CA12: variants seen among roughly 807,000 people sequenced by gnomAD.
The protein encoded by CA12 is carbonic anhydrase 12.
A neutral mutation model predicts 46.8 loss-of-function variants in CA12; 36 were observed. The ratio of observed to expected loss-of-function variants is 0.77; its 90% CI spans 0.59 to 1.02. CA12 has a LOEUF of 1.02. Among genes scored for constraint, CA12 ranks in the 50% least tolerant of loss-of-function variants. CA12 has a pLI of 0.00. For synonymous variants in CA12, 202 were observed against 187.0 expected (o/e 1.08, Z -0.65); for missense variants, 436 against 451.4 (o/e 0.97, Z 0.31).
Position 63,378,192 on chromosome 15 carries a change from A to AG in CA12, c.86-2515dup, listed in dbSNP as rs2039601550. ...CGCCTGAGGTCAGGAGTTCGAGACC[A>AG]GCCTGGCCAACATGGTGAAACCCTG... is the stretch of plus-strand genomic sequence containing the variant. On this transcript the variant is annotated intron_variant, in intron 1 of 10. Transcript: ENST00000178638. This position sits in a 1 kb window ranked among gnomAD's most constrained non-coding sequence, Gnocchi z 4.8. 6.6e-6 allele frequency among the ~76,000 whole-genome samples: 1 copy of AG among 152,212 alleles called. No homozygotes were observed. Among genetic ancestry groups the AG allele is most frequent in the African/African-American group, 2.4e-5 (1 of 41,448 alleles).
rs1383250817 is a variant in CA12 at position 63,373,004 on chromosome 15, G to T, written c.106+2654C>A. Among the ~76,000 whole-genome samples the T allele has an allele frequency of 1.3e-5, 2 of 152,200 alleles. No individual in the cohort carries two copies. The highest frequency in any genetic ancestry group is 4.8e-5 in the African/African-American group (2 of 41,444). ...GGTCAGGGAGAAATGCTTCTGGACA[G>T]GTCAGTGTGGCTGCACTGAGAAGCC... On this transcript the variant is annotated intron_variant, in intron 2 of 10. Transcript: ENST00000178638. This position sits in a 1 kb window ranked among gnomAD's most constrained non-coding sequence, Gnocchi z 4.9.
At chr15:63,361,419 A>T (rs2039361902) in intron 2 of CA12, among the ~76,000 whole-genome samples, 1 of 152,190 alleles carries the variant, frequency 6.6e-6, no homozygotes, top group African/African-American at 2.4e-5. Context: ...TTTGCCCTTC[A>T]GGGGACATTG....
Position 63,340,575 on chromosome 15 carries a change from T to C in CA12, c.590-130A>G. The stretch of plus-strand genomic sequence containing the variant: ...AGGGTCATCTAACCCCAGGACCTGG[T>C]TGCAACATTGTTCAACAACCTGCTG... On this transcript the variant is annotated intron_variant, in intron 6 of 10. Coordinates refer to ENST00000178638, the MANE Select transcript of CA12 (RefSeq NM_001218.5). This position sits in a 1 kb window ranked among gnomAD's most constrained non-coding sequence, Gnocchi z 4.4. 1 of 1,415,912 alleles carries C rather than the reference T, an allele frequency of 7.1e-7. No homozygotes were observed. 87.7% of individuals were successfully genotyped at this position (1,415,912 alleles called of 1,614,324 possible). A position where few individuals can be genotyped will look rare whatever the true frequency, so the allele number is the denominator to read the frequency against.
Position 63,340,775 on chromosome 15 carries a change from G to A in CA12, c.534C>T (p.Ser178=), listed in dbSNP as rs201128913. 58 of 1,614,068 alleles carry A rather than the reference G, an allele frequency of 3.6e-5. No homozygotes were observed. The highest frequency in any genetic ancestry group is 4.4e-5 in the Non-Finnish European group (52 of 1,180,020). The change falls in exon 6 of 11, where the codon TCC becomes TCT. Residue 178 remains serine (S), a synonymous_variant. Transcript: ENST00000178638. The surrounding 1 kb of genome is among the most constrained non-coding windows in gnomAD (Gnocchi z 4.4). ...AGATCTTGTCATAGGACGGATTGAAGGAGCCCATCTGCAACAGAGACAGGG... is the reference window on the plus strand; with the variant it reads ...AGATCTTGTCATAGGACGGATTGAAAGAGCCCATCTGCAACAGAGACAGGG... ...AVLAVLIEMG[S]FNPSYDKIFS... is the part of the protein sequence containing the mutation.
rs768114909 is a variant in CA12 at position 63,340,477 on chromosome 15, C to T, written c.590-32G>A. ...AGACATGTTGCAGAGGTGATAGTGT[C>T]AGCCTCCCTCCGTAGGGCATAAGTG... is the stretch of plus-strand genomic sequence containing the variant. On this transcript the variant is annotated intron_variant, in intron 6 of 10. Transcript: ENST00000178638. The surrounding 1 kb of genome is among the most constrained non-coding windows in gnomAD (Gnocchi z 4.4). 17 of 1,613,854 alleles carry T rather than the reference C, an allele frequency of 1.1e-5. No homozygotes were observed. The highest frequency in any genetic ancestry group is 1.4e-5 in the Non-Finnish European group (17 of 1,179,744).
intron 8 of CA12, among the ~76,000 whole-genome samples, chr15:63,336,951 G>T (rs1269557169): frequency 6.6e-6 from 1 of 152,066 alleles, no homozygotes; most frequent in African/African-American, 2.4e-5. Context: ...TTATGTTTTT[G>T]GTTTTAAGAG....
rs1174535189 is a variant in CA12, at chr15:63,342,115, C to T, written c.430-18G>A. 1.9e-6 allele frequency: 3 copies of T among 1,562,070 alleles called. No homozygotes were observed. Among genetic ancestry groups the T allele is most frequent in the Admixed American group, 3.3e-5 (2 of 59,790 alleles). On this transcript the variant is annotated intron_variant, in intron 4 of 10. Transcript: ENST00000178638. ...ATGTGCAGCTGCAGTGGGGGAGAAG[C>T]CACCCATTAGGAGATAAGCGACTCA...
At position 63,330,095 on chromosome 15, in the gene CA12, G is replaced by A. The variant is rs1343607509; in HGVS notation, c.875-1965C>T. ...CTGCTCACCACCACCAGCTGCTCAT[G>A]ACCTCCCAAGTGGCAGAGTGGCTCC... On this transcript the variant is annotated intron_variant, in intron 8 of 10. Coordinates refer to ENST00000178638, the MANE Select transcript of CA12 (RefSeq NM_001218.5). The surrounding 1 kb of genome is among the most constrained non-coding windows in gnomAD (Gnocchi z 4.0). Among the ~76,000 whole-genome samples the A allele has an allele frequency of 6.6e-6, 1 of 152,206 alleles. No homozygotes were observed. The highest frequency in any genetic ancestry group is 2.4e-5 in the African/African-American group (1 of 41,452).
intron 8 of CA12, among the ~76,000 whole-genome samples, chr15:63,335,990 GGGA>G (rs3840029): frequency 0.044 from 6,748 of 152,232 alleles, 194 homozygotes; most frequent in Middle Eastern, 0.065. Flanking sequence ...TGAAAGGGAG[GGGA>G]GGAGAATTCT....
rs553410849 is a variant in CA12 at position 63,355,538 on chromosome 15, C to T, written c.107-8829G>A. Among the ~76,000 whole-genome samples, 17 of 152,340 alleles carry T rather than the reference C, an allele frequency of 1.1e-4. No homozygotes were observed. Among genetic ancestry groups the T allele is most frequent in the East Asian group, 7.7e-4 (4 of 5,184 alleles). ...ACAAGGCTGCCAGGCGATGCTGCTG[C>T]GGGCTGAGGCTGAGAAGCGCTGCAC... On this transcript the variant is annotated intron_variant, in intron 2 of 10. Transcript: ENST00000178638. The surrounding 1 kb of genome is among the most constrained non-coding windows in gnomAD (Gnocchi z 4.1).
chr15:63,337,832 C>T (rs867465350), intron 8 of CA12, among the ~76,000 whole-genome samples: 12 of 152,184 alleles, frequency 7.9e-5, no homozygotes, highest in Admixed American at 3.3e-4. Flanking sequence ...TTGCCTTGGC[C>T]TCCCAAAGTG....
At chr15:63,363,269 T>C (rs936800844) in intron 2 of CA12, among the ~76,000 whole-genome samples, 1 of 152,228 alleles carries the variant, frequency 6.6e-6, no homozygotes, top group African/African-American at 2.4e-5. Flanking sequence ...TGATGTGGCA[T>C]TTCCTTTCAG....
rs1391460801 is a variant in CA12, at chr15:63,329,662, C to A, written c.875-1532G>T. ...AGTTGTACAGATGGTGGCCACCCAG[C>A]CTGACACAGAAGATCCTGTGCCCAT... On this transcript the variant is annotated intron_variant, in intron 8 of 10. Transcript: ENST00000178638. This position sits in a 1 kb window ranked among gnomAD's most constrained non-coding sequence, Gnocchi z 4.8. Among the ~76,000 whole-genome samples the A allele has an allele frequency of 6.6e-6, 1 of 152,170 alleles. No homozygotes were observed. The highest frequency in any genetic ancestry group is 1.5e-5 in the Non-Finnish European group (1 of 68,018).
chr15:63,368,510 C>T (rs573734216), intron 2 of CA12, among the ~76,000 whole-genome samples: 97 of 152,364 alleles, frequency 6.4e-4, no homozygotes, highest in African/African-American at 2.2e-3. Context: ...CAGCCACCTT[C>T]CCACTCATGC....
chr15:63,339,241 T>A lies in CA12; in HGVS notation c.748-296A>T, dbSNP rs760312827. Reference sequence around the variant, plus strand: ...AATCTGCCCTGCGTGGAGGGAAACCTGGGGTGATGGAGTGCTCCTTAACCT... The same window carrying A: ...AATCTGCCCTGCGTGGAGGGAAACCAGGGGTGATGGAGTGCTCCTTAACCT... On this transcript the variant is annotated intron_variant, in intron 7 of 10. Transcript: ENST00000178638. The surrounding 1 kb of genome is among the most constrained non-coding windows in gnomAD (Gnocchi z 4.3). Among the ~76,000 whole-genome samples, 3 of 87,780 alleles carry A rather than the reference T, an allele frequency of 3.4e-5. No individual in the cohort carries two copies. Among genetic ancestry groups the A allele is most frequent in the Non-Finnish European group, 6.9e-5 (3 of 43,726 alleles). 57.6% of individuals were successfully genotyped at this position (87,780 alleles called of 152,430 possible).
Position 63,328,248 on chromosome 15 carries a change from A to C in CA12, c.875-118T>G. 3.4e-6 allele frequency: 3 copies of C among 888,610 alleles called. No individual in the cohort carries two copies. Among genetic ancestry groups the C allele is most frequent in the Non-Finnish European group, 5.6e-6 (3 of 539,354 alleles). 55.0% of individuals were successfully genotyped at this position (888,610 alleles called of 1,614,324 possible). A position where few individuals can be genotyped will look rare whatever the true frequency, so the allele number is the denominator to read the frequency against. On this transcript the variant is annotated intron_variant, in intron 8 of 10. Transcript: ENST00000178638. This position sits in a 1 kb window ranked among gnomAD's most constrained non-coding sequence, Gnocchi z 5.9. ...GTCTTAGGCTGACAGACCTCTAGGG[A>C]TGTCCACCCTTGGCTCAGGGATTGC...
At position 63,340,539 on chromosome 15, in the gene CA12, T is replaced by G; in HGVS notation, c.590-94A>C. 1 of 1,544,726 alleles carries G rather than the reference T, an allele frequency of 6.5e-7. No individual in the cohort carries two copies. Among genetic ancestry groups the G allele is most frequent in the East Asian group, 2.2e-5 (1 of 44,502 alleles). Reference sequence around the variant, plus strand: ...AGCGACTGAGCCTAGAAACATGAACTAGCCCCTTTCAGGGTCATCTAACCC... The same window carrying G: ...AGCGACTGAGCCTAGAAACATGAACGAGCCCCTTTCAGGGTCATCTAACCC... On this transcript the variant is annotated intron_variant, in intron 6 of 10. Coordinates refer to ENST00000178638, the MANE Select transcript of CA12 (RefSeq NM_001218.5). The surrounding 1 kb of genome is among the most constrained non-coding windows in gnomAD (Gnocchi z 4.4).
intron 3 of CA12, 127 bp downstream of exon 3, chr15:63,346,403 C>T: frequency 2.9e-6 from 2 of 694,208 alleles, no homozygotes; most frequent in South Asian, 1.5e-5. Flanking sequence ...AAAGACACCC[C>T]CGCCCCGCCC....
In CA12 at chr15:63,324,052, A is replaced by G. The variant is rs2038832788; in HGVS notation, c.*2233T>C. 1 of 152,254 alleles carries G rather than the reference A, an allele frequency of 6.6e-6. No homozygotes were observed. The highest frequency in any genetic ancestry group is 2.1e-4 in the South Asian group (1 of 4,830). 9.4% of individuals were successfully genotyped at this position (152,254 alleles called of 1,614,324 possible). A position where few individuals can be genotyped will look rare whatever the true frequency, so the allele number is the denominator to read the frequency against. On this transcript the variant is annotated 3_prime_UTR_variant, in exon 11 of 11. Coordinates refer to ENST00000178638, the MANE Select transcript of CA12 (RefSeq NM_001218.5). Reference sequence around the variant, plus strand: ...TTCAGGGGCAGCTGGCATCAGTGGAATGAGTGCGGATCCGAAGAAAGGTTT... The same window carrying G: ...TTCAGGGGCAGCTGGCATCAGTGGAGTGAGTGCGGATCCGAAGAAAGGTTT...
Sources: gnomAD v4.1 joint callset for allele counts (sites outside exome capture counted in the v4.1 genomes callset) on GRCh38, gnomAD v4.1.1 for gene constraint, Gnocchi (gnomAD v3.1) non-coding constraint, MANE v1.5 for transcripts, NCBI Gene and HGNC (gene_info 2026-07-23, HGNC 2026-07-21) for gene names.